Variants in PTPRT observed in about 807,000 individuals in gnomAD.
PTPRT encodes the protein protein tyrosine phosphatase receptor type T.
PTPRT carries 56 observed loss-of-function variants against 176.8 expected under a neutral mutation model. The observed-to-expected ratio is 0.32, with a 90% CI of 0.26 to 0.40. PTPRT has a LOEUF of 0.40. PTPRT is among the 10% of genes least tolerant of loss of function. PTPRT has a pLI of 1.00. For synonymous variants in PTPRT, 783 were observed against 739.0 expected, an observed-to-expected ratio of 1.06 and a Z score of -0.96; for missense variants, 1,540 against 1,908.2, an observed-to-expected ratio of 0.81 and a Z score of 3.60.
intron 6 of PTPRT, among the ~76,000 whole-genome samples, chr20:42,732,422 G>C (rs540820170): frequency 1.6e-4 from 25 of 152,206 alleles, no homozygotes; most frequent in Admixed American, 3.3e-4. Context: ...GTGAGTAAAT[G>C]AATTAACAAG....
chr20:43,170,950 G>A (rs990731905), intron 1 of PTPRT, among the ~76,000 whole-genome samples: 1 of 152,192 alleles, frequency 6.6e-6, no homozygotes, highest in Non-Finnish European at 1.5e-5. Context: ...TGCTGGTCTG[G>A]AAATGAACAT....
At chr20:42,832,005 G>A (rs987563444) in intron 2 of PTPRT, among the ~76,000 whole-genome samples, 6 of 152,184 alleles carry the variant, frequency 3.9e-5, no homozygotes, top group Admixed American at 6.5e-5. Context: ...ACTATCATTC[G>A]ACCCAGCAGT....
intron 13 of PTPRT, among the ~76,000 whole-genome samples, chr20:42,264,055 A>T (rs1164109658): frequency 6.6e-6 from 1 of 152,162 alleles, no homozygotes; most frequent in Admixed American, 6.5e-5. Context: ...AGATGAGGAA[A>T]AAGAGAAGGC....
chr20:42,943,684 T>C (rs577703143), intron 1 of PTPRT, among the ~76,000 whole-genome samples: 2 of 152,072 alleles, frequency 1.3e-5, no homozygotes, highest in Non-Finnish European at 2.9e-5. Flanking sequence ...CCATACACCA[T>C]CCAGTTAATC....
At chr20:42,985,284 C>T (rs1014828013) in intron 1 of PTPRT, among the ~76,000 whole-genome samples, 10 of 152,102 alleles carry the variant, frequency 6.6e-5, no homozygotes, top group African/African-American at 2.4e-4. Flanking sequence ...ATCATGAGGT[C>T]AGGAGTTCGA....
intron 6 of PTPRT, among the ~76,000 whole-genome samples, chr20:42,717,811 A>G (rs1193712162): frequency 1.3e-5 from 2 of 152,250 alleles, no homozygotes; most frequent in Admixed American, 1.3e-4. Context: ...ACACAACTCA[A>G]TATAAAAAAA....
intron 1 of PTPRT, among the ~76,000 whole-genome samples, chr20:43,158,688 T>C (rs1290912485): frequency 6.6e-6 from 1 of 152,106 alleles, no homozygotes; most frequent in Non-Finnish European, 1.5e-5. Context: ...CTGAAACAAT[T>C]CTACTCTATA....
At chr20:42,707,555 G>A (rs549859211) in intron 6 of PTPRT, among the ~76,000 whole-genome samples, 129 of 151,742 alleles carry the variant, frequency 8.5e-4, no homozygotes, top group Admixed American at 3.1e-3. Flanking sequence ...GACAAAGAAT[G>A]TGTGTGGCCT....
At chr20:43,164,254 T>C (rs553795769) in intron 1 of PTPRT, among the ~76,000 whole-genome samples, 2 of 152,346 alleles carry the variant, frequency 1.3e-5, no homozygotes, top group African/African-American at 4.8e-5. Context: ...GATTCGGCAC[T>C]GGCTTCCACT....
chr20:42,172,788 C>T (rs1379987678), intron 16 of PTPRT, among the ~76,000 whole-genome samples: 5 of 151,042 alleles, frequency 3.3e-5, no homozygotes, highest in African/African-American at 1.2e-4. Flanking sequence ...CCATCACAGT[C>T]AAGATGCAGA....
intron 9 of PTPRT, among the ~76,000 whole-genome samples, chr20:42,369,677 C>T (rs1397608092): frequency 6.6e-6 from 1 of 152,094 alleles, no homozygotes; most frequent in Non-Finnish European, 1.5e-5. Context: ...AACACCCAAA[C>T]AAAGAGAAAA....
At chr20:42,254,107 C>T (rs2056595808) in intron 13 of PTPRT, among the ~76,000 whole-genome samples, 1 of 152,188 alleles carries the variant, frequency 6.6e-6, no homozygotes, top group Non-Finnish European at 1.5e-5. Flanking sequence ...GCTGCCTCCT[C>T]CCATGCTACC....
At chr20:42,238,929 C>T (rs1268751501) in intron 14 of PTPRT, among the ~76,000 whole-genome samples, 1 of 152,030 alleles carries the variant, frequency 6.6e-6, no homozygotes, top group Admixed American at 6.6e-5. Flanking sequence ...TTATGTATTC[C>T]CAAGAATCAC....
the PTPRT span, among the ~76,000 whole-genome samples, chr20:42,053,941 G>T: frequency 6.6e-6 from 1 of 152,138 alleles, no homozygotes; most frequent in Non-Finnish European, 1.5e-5. Context: ...AGATTTGGGG[G>T]TCAGTTTGGG....
chr20:42,106,655 C>T (rs1986471900), intron 24 of PTPRT, 131 bp downstream of exon 24: 4 of 1,252,622 alleles, frequency 3.2e-6, no homozygotes, highest in Admixed American at 2.2e-5. Flanking sequence ...CGTGTCTACT[C>T]CCTCCTGCTT....
intron 7 of PTPRT, among the ~76,000 whole-genome samples, chr20:42,478,741 T>C (rs537039443): frequency 2.6e-5 from 4 of 152,248 alleles, no homozygotes; most frequent in East Asian, 1.9e-4. Context: ...ACATTTTTTT[T>C]CCTTAACCTG....
rs114639870 is a variant in PTPRT at position 42,924,568 on chromosome 20, G to A, written c.89-38636C>T. 4.5e-3 allele frequency among the ~76,000 whole-genome samples: 678 copies of A among 152,278 alleles called. 6 individuals carry two copies. Among genetic ancestry groups the A allele is most frequent in the African/African-American group, 0.016 (656 of 41,550 alleles). On this transcript the variant is annotated intron_variant, in intron 1 of 30. Transcript: ENST00000373187. Reference sequence around the variant, plus strand: ...CTATCTCTGCCATGATGGCTTAAGCGTAAGTGAAATCACTTTGACTCACAT... The same window carrying A: ...CTATCTCTGCCATGATGGCTTAAGCATAAGTGAAATCACTTTGACTCACAT...
chr20:42,632,519 G>A (rs774945534), intron 7 of PTPRT, among the ~76,000 whole-genome samples: 5 of 151,806 alleles, frequency 3.3e-5, no homozygotes, highest in Non-Finnish European at 7.4e-5. Flanking sequence ...CACCACACCC[G>A]GCCACTATCC....
chr20:42,349,325 G>C (rs1012876525), intron 11 of PTPRT, among the ~76,000 whole-genome samples: 1 of 152,288 alleles, frequency 6.6e-6, no homozygotes, highest in East Asian at 1.9e-4. Flanking sequence ...GTTATAGCAT[G>C]CTGTCTCTCT....
Sources: allele counts gnomAD v4.1 joint callset (sites outside exome capture counted in the v4.1 genomes callset), GRCh38; gene constraint gnomAD v4.1.1; transcripts MANE v1.5; gene names NCBI Gene and HGNC (gene_info 2026-07-23, HGNC 2026-07-21).